Variants in SPMIP6 observed in about 807,000 individuals in gnomAD.
The protein encoded by SPMIP6 is ciliated bronchial epithelial protein 1.
At chr9:34,390,245 A>G in the SPMIP6 span, among the ~76,000 whole-genome samples, 1 of 152,122 alleles carries the variant, frequency 6.6e-6, no homozygotes, top group Non-Finnish European at 1.5e-5. Flanking sequence ...TCTAACAGTT[A>G]ATCAGAATAA....
At chr9:34,382,566 T>C in the SPMIP6 span, 10 of 579,100 alleles carry the variant, frequency 1.7e-5, no homozygotes, top group Middle Eastern at 9.3e-4. Context: ...GCCTGGGTGA[T>C]AGAGTGAGAC....
the SPMIP6 span, among the ~76,000 whole-genome samples, chr9:34,395,468 T>A: frequency 6.6e-6 from 1 of 152,212 alleles, no homozygotes; most frequent in African/African-American, 2.4e-5. Flanking sequence ...ATTCTCTGTC[T>A]TCTTTTATGG....
At chr9:34,386,259 T>C in the SPMIP6 span, among the ~76,000 whole-genome samples, 7 of 152,132 alleles carry the variant, frequency 4.6e-5, no homozygotes, top group African/African-American at 1.7e-4. Flanking sequence ...ATCTAGCATC[T>C]TAAAGAAAAT....
the SPMIP6 span, chr9:34,379,808 T>C: frequency 8.3e-7 from 1 of 1,198,026 alleles, no homozygotes; most frequent in Middle Eastern, 2.1e-4. The surrounding 1 kb of genome is among the most constrained non-coding windows in gnomAD (Gnocchi z 4.2). Context: ...ACCAAGCCCC[T>C]GGGCGGCGCT....
chr9:34,386,120 C>T, the SPMIP6 span, among the ~76,000 whole-genome samples: 1 of 152,198 alleles, frequency 6.6e-6, no homozygotes, highest in Non-Finnish European at 1.5e-5. Flanking sequence ...TTCTCCTAGA[C>T]TGTATGCTGC....
chr9:34,385,560 A>AG, the SPMIP6 span: 3 of 995,624 alleles, frequency 3.0e-6, no homozygotes, highest in African/African-American at 1.7e-5. Flanking sequence ...AAAAAAAAAA[A>AG]GGATAGAGGT....
the SPMIP6 span, among the ~76,000 whole-genome samples, chr9:34,387,410 G>A: frequency 6.6e-5 from 10 of 152,128 alleles, no homozygotes; most frequent in African/African-American, 1.9e-4. Context: ...ACATTGTTCT[G>A]TGAGCAGCTC....
chr9:34,380,652 C>T, the SPMIP6 span: 1 of 1,531,582 alleles, frequency 6.5e-7, no homozygotes, highest in Non-Finnish European at 8.8e-7. Flanking sequence ...TGACCTTGAG[C>T]CCAGTTTGAG....
chr9:34,395,322 A>C, the SPMIP6 span, among the ~76,000 whole-genome samples: 1 of 152,174 alleles, frequency 6.6e-6, no homozygotes, highest in Non-Finnish European at 1.5e-5. Flanking sequence ...CCATTCATTG[A>C]AGCTGTCTGG....
chr9:34,379,087 G>A, the SPMIP6 span: 8 of 1,603,170 alleles, frequency 5.0e-6, no homozygotes. This position sits in a 1 kb window ranked among gnomAD's most constrained non-coding sequence, Gnocchi z 4.2. Flanking sequence ...TACCAGCAAC[G>A]ATAGTCGGGA....
chr9:34,383,163 C>T, the SPMIP6 span, among the ~76,000 whole-genome samples: 1 of 152,330 alleles, frequency 6.6e-6, no homozygotes, highest in East Asian at 1.9e-4. Context: ...AGCCTCTTCC[C>T]AATTCCTCCC....
chr9:34,386,405 C>G, the SPMIP6 span, among the ~76,000 whole-genome samples: 13 of 152,084 alleles, frequency 8.5e-5, no homozygotes, highest in South Asian at 2.7e-3. Context: ...ACTATCCTGG[C>G]TAACATGGTG....
the SPMIP6 span, among the ~76,000 whole-genome samples, chr9:34,388,010 T>C: frequency 6.6e-6 from 1 of 152,176 alleles, no homozygotes; most frequent in Non-Finnish European, 1.5e-5. Flanking sequence ...TTCAAAATGG[T>C]ACCCTGTCCT....
chr9:34,380,816 G>T, the SPMIP6 span: 1 of 1,522,746 alleles, frequency 6.6e-7, no homozygotes, highest in African/African-American at 1.4e-5. Context: ...ACGGAAGCTG[G>T]CCGGGCTGGA....
the SPMIP6 span, chr9:34,381,622 C>G: frequency 7.0e-7 from 1 of 1,434,520 alleles, no homozygotes; most frequent in South Asian, 1.4e-5. This position sits in a 1 kb window ranked among gnomAD's most constrained non-coding sequence, Gnocchi z 4.4. Flanking sequence ...TTTTACATCG[C>G]CAACAGGGGC....
the SPMIP6 span, chr9:34,382,953 G>C: frequency 2.1e-6 from 2 of 953,136 alleles, no homozygotes; most frequent in Non-Finnish European, 3.4e-6. Context: ...TTTCTCTTCC[G>C]ATTCCCAGCA....
At chr9:34,380,884 G>C in the SPMIP6 span, 1 of 1,509,770 alleles carries the variant, frequency 6.6e-7, no homozygotes, top group Non-Finnish European at 8.8e-7. Flanking sequence ...GAGGCGGGCG[G>C]AGCCCTGCGA....
the SPMIP6 span, chr9:34,382,904 ACTT>A: frequency 7.7e-7 from 1 of 1,302,840 alleles, no homozygotes; most frequent in African/African-American, 1.5e-5. Context: ...AAATAGTGTT[ACTT>A]CTTACTCTAC....
At chr9:34,396,703 G>A in the SPMIP6 span, among the ~76,000 whole-genome samples, 1 of 151,998 alleles carries the variant, frequency 6.6e-6, no homozygotes, top group Admixed American at 6.6e-5. Flanking sequence ...CCTCCTCCTG[G>A]ATCCCTCAGT....
Sources: gnomAD v4.1 joint callset for allele counts (sites outside exome capture counted in the v4.1 genomes callset) on GRCh38, gnomAD v4.1.1 for gene constraint, Gnocchi (gnomAD v3.1) non-coding constraint, MANE v1.5 for transcripts, NCBI Gene and HGNC (gene_info 2026-07-23, HGNC 2026-07-21) for gene names.